The following ACTR3C variants were observed in gnomAD, a reference collection of about 807,000 sequenced individuals.
ACTR3C encodes the protein actin-related protein 3C.
Under a neutral mutation model 26.3 loss-of-function variants are expected in ACTR3C, and 18 were observed. The observed-to-expected ratio is 0.68, with a 90% CI of 0.47 to 1.01. The LOEUF is 1.01. ACTR3C is among the 50% of genes least tolerant of loss of function. ACTR3C has a pLI of 0.00. For synonymous variants in ACTR3C, 55 were observed against 94.5 expected (o/e 0.58, Z 2.42); for missense variants, 184 against 250.7 (o/e 0.73, Z 1.80).
chr7:149,914,348 T>G, the ACTR3C span, among the ~76,000 whole-genome samples: 3 of 151,946 alleles, frequency 2.0e-5, no homozygotes, highest in Non-Finnish European at 4.4e-5. Flanking sequence ...TCCTAGCACT[T>G]TGGGAGTCTG....
At chr7:150,034,784 A>G in the ACTR3C span, among the ~76,000 whole-genome samples, 1 of 150,666 alleles carries the variant, frequency 6.6e-6, no homozygotes, top group African/African-American at 2.4e-5. Flanking sequence ...CAGGGGGGGA[A>G]GAGGGTCTGG....
the ACTR3C span, among the ~76,000 whole-genome samples, chr7:150,181,796 G>A: frequency 0.01 from 1,509 of 150,596 alleles, 57 homozygotes; most frequent in Middle Eastern, 0.024. Context: ...TAGAAAAGGT[G>A]AGAGCTAGGG....
At chr7:150,108,009 C>G in the ACTR3C span, among the ~76,000 whole-genome samples, 4 of 151,664 alleles carry the variant, frequency 2.6e-5, no homozygotes, top group Non-Finnish European at 5.9e-5. Context: ...TCAGCCAATT[C>G]TGTGATTAAA....
the ACTR3C span, among the ~76,000 whole-genome samples, chr7:150,067,368 A>G: frequency 6.6e-6 from 1 of 152,236 alleles, no homozygotes; most frequent in African/African-American, 2.4e-5. Context: ...GAGAGAAAGA[A>G]AGAAGGAACA....
At chr7:150,076,929 C>T in the ACTR3C span, among the ~76,000 whole-genome samples, 2 of 152,104 alleles carry the variant, frequency 1.3e-5, no homozygotes, top group Non-Finnish European at 2.9e-5. Flanking sequence ...CTTCGGGAGG[C>T]CAAGGCGAGC....
chr7:149,946,041 G>C, the ACTR3C span, among the ~76,000 whole-genome samples: 4 of 152,308 alleles, frequency 2.6e-5, no homozygotes, highest in East Asian at 5.8e-4. Context: ...GTGAATCATG[G>C]GGGGGAAAGC....
chr7:150,224,286 A>G, the ACTR3C span, among the ~76,000 whole-genome samples: 522 of 152,288 alleles, frequency 3.4e-3, 1 homozygote, highest in Non-Finnish European at 5.4e-3. Context: ...CTGGCCTCCA[A>G]TGATTTGTGT....
chr7:150,124,435 G>T, the ACTR3C span, among the ~76,000 whole-genome samples: 1 of 152,162 alleles, frequency 6.6e-6, no homozygotes, highest in African/African-American at 2.4e-5. Context: ...TATGCAGTTG[G>T]TTCTTCGTGT....
At chr7:149,947,258 T>G in the ACTR3C span, among the ~76,000 whole-genome samples, 5 of 144,980 alleles carry the variant, frequency 3.4e-5, no homozygotes, top group African/African-American at 1.4e-4. Context: ...TCCTTCCAAA[T>G]GCCAGAAGCA....
At chr7:150,188,354 C>T in the ACTR3C span, among the ~76,000 whole-genome samples, 27,728 of 148,288 alleles carry the variant, frequency 0.19, 3,270 homozygotes, top group African/African-American at 0.44. Flanking sequence ...TGTTCATCCG[C>T]TCACCTGTAG....
At chr7:149,982,425 T>C in the ACTR3C span, among the ~76,000 whole-genome samples, 1 of 152,120 alleles carries the variant, frequency 6.6e-6, no homozygotes, top group Non-Finnish European at 1.5e-5. Context: ...GTTTTTATTA[T>C]TGTGTCAAGC....
intron 6 of ACTR3C, among the ~76,000 whole-genome samples, chr7:150,277,747 C>T (rs1563171383): frequency 1.3e-5 from 2 of 152,124 alleles, no homozygotes; most frequent in South Asian, 2.1e-4. Flanking sequence ...TCTCCTCTCC[C>T]GGCTTCCTCC....
At chr7:150,127,495 G>A in the ACTR3C span, among the ~76,000 whole-genome samples, 32 of 151,642 alleles carry the variant, frequency 2.1e-4, no homozygotes, top group African/African-American at 7.7e-4. Flanking sequence ...AGCTCTGAGC[G>A]TCTCATGCCA....
At chr7:150,241,306 A>G (rs1243986897), downstream of ACTR3C, among the ~76,000 whole-genome samples, 3 of 152,174 alleles carry the variant, frequency 2.0e-5, no homozygotes, top group African/African-American at 7.2e-5. Flanking sequence ...AGAGAAAAAG[A>G]GATTGATGGG....
At chr7:149,942,351 A>T in the ACTR3C span, among the ~76,000 whole-genome samples, 1 of 151,986 alleles carries the variant, frequency 6.6e-6, no homozygotes, top group East Asian at 1.9e-4. Flanking sequence ...AACTTCAAAA[A>T]CAATGTGGTA....
chr7:149,957,645 G>A, the ACTR3C span, among the ~76,000 whole-genome samples: 4 of 152,058 alleles, frequency 2.6e-5, no homozygotes, highest in South Asian at 8.3e-4. Flanking sequence ...TGGTTCTGAG[G>A]CTTCCAGAGT....
chr7:150,108,146 G>C, the ACTR3C span, among the ~76,000 whole-genome samples: 9 of 150,472 alleles, frequency 6.0e-5, no homozygotes, highest in Admixed American at 5.3e-4. Context: ...GGGCACACCA[G>C]GGGACTGTTC....
the ACTR3C span, among the ~76,000 whole-genome samples, chr7:149,992,657 G>A: frequency 2.0e-5 from 3 of 152,226 alleles, no homozygotes; most frequent in Non-Finnish European, 2.9e-5. Flanking sequence ...GTTCCGTGAG[G>A]CCCCGTAGAA....
chr7:149,985,256 G>A, the ACTR3C span, among the ~76,000 whole-genome samples: 19 of 65,348 alleles, frequency 2.9e-4, no homozygotes, highest in South Asian at 5.7e-4. Flanking sequence ...ACACACACAC[G>A]AAACCCTGCC....
Sources: gnomAD v4.1 joint callset for allele counts (sites outside exome capture counted in the v4.1 genomes callset) on GRCh38, gnomAD v4.1.1 for gene constraint, MANE v1.5 for transcripts, NCBI Gene and HGNC (gene_info 2026-07-23, HGNC 2026-07-21) for gene names.